SGMS2: variants seen among roughly 807,000 people sequenced by gnomAD.
The protein encoded by SGMS2 is phosphatidylcholine:ceramide cholinephosphotransferase 2.
SGMS2 carries 21 observed loss-of-function variants against 43.8 expected under a neutral mutation model. The observed-to-expected ratio is 0.48, with a 90% CI of 0.34 to 0.69. The LOEUF (loss-of-function observed/expected upper bound fraction) is 0.69. SGMS2 is among the 30% of genes least tolerant of loss of function. The probability of loss-of-function intolerance (pLI) is 0.01; values close to 1 mark genes in which losing one functional copy is unlikely to be tolerated. For synonymous variants in SGMS2, 167 were observed against 160.6 expected (o/e 1.04, Z -0.30); for missense variants, 384 against 443.2 (o/e 0.87, Z 1.20).
At chr4:107,861,480 T>C (rs968104790) in intron 2 of SGMS2, among the ~76,000 whole-genome samples, 17 of 152,164 alleles carry the variant, frequency 1.1e-4, no homozygotes, top group Non-Finnish European at 2.2e-4. Context: ...GAAAACTTGC[T>C]TGAGAGATGT....
chr4:107,860,678 T>C (rs1578547095), intron 2 of SGMS2, among the ~76,000 whole-genome samples: 2 of 152,110 alleles, frequency 1.3e-5, no homozygotes, highest in Non-Finnish European at 1.5e-5. Flanking sequence ...ACACCCACCA[T>C]TGCGCCTGGC....
intron 2 of SGMS2, among the ~76,000 whole-genome samples, chr4:107,888,773 A>G (rs1729964901): frequency 6.6e-6 from 1 of 152,098 alleles, no homozygotes; most frequent in Non-Finnish European, 1.5e-5. Flanking sequence ...CTACAAATAT[A>G]TTTTATTGGA....
At chr4:107,834,657 T>C (rs1013010227) in intron 1 of SGMS2, among the ~76,000 whole-genome samples, 2 of 152,198 alleles carry the variant, frequency 1.3e-5, no homozygotes, top group African/African-American at 4.8e-5. Flanking sequence ...ACATCATTCA[T>C]TGGGTCATCT....
chr4:107,908,671 C>A lies in SGMS2; in HGVS notation c.834C>A (p.Ile278=), dbSNP rs1395970055. 6.2e-7 allele frequency: 1 copy of A among 1,613,934 alleles called. No homozygotes were observed. The highest frequency in any genetic ancestry group is 8.5e-7 in the Non-Finnish European group (1 of 1,179,848). The change falls in exon 6 of 7, where the codon ATC becomes ATA. Residue 278 remains isoleucine, a synonymous_variant. Transcript: ENST00000690982. ...VAHEHYTIDV[I]IAYYITTRLF... ...ACGAACACTACACTATCGATGTGAT[C>A]ATTGCTTATTATATCACAACACGAC...
chr4:107,862,540 G>GT (rs985389055), intron 2 of SGMS2, among the ~76,000 whole-genome samples: 81 of 152,026 alleles, frequency 5.3e-4, no homozygotes, highest in African/African-American at 1.8e-3. Flanking sequence ...TGTCTTAAAA[G>GT]TTTTTTTTCA....
intron 1 of SGMS2, among the ~76,000 whole-genome samples, chr4:107,835,700 T>C (rs1189526538): frequency 6.6e-6 from 1 of 152,206 alleles, no homozygotes; most frequent in Non-Finnish European, 1.5e-5. Flanking sequence ...GCTATATAAG[T>C]AGCCAAGTAA....
intron 2 of SGMS2, among the ~76,000 whole-genome samples, chr4:107,861,737 T>C (rs556247284): frequency 1.3e-5 from 2 of 152,226 alleles, no homozygotes; most frequent in Non-Finnish European, 2.9e-5. Flanking sequence ...AAATCTTTGC[T>C]AAGTAAACTC....
At chr4:107,830,667 T>C (rs1420454321) in intron 1 of SGMS2, among the ~76,000 whole-genome samples, 2 of 152,206 alleles carry the variant, frequency 1.3e-5, no homozygotes, top group African/African-American at 2.4e-5. Context: ...GTTGGCTGTG[T>C]GTATGTTGTC....
chr4:107,902,092 T>G (rs968277013), intron 4 of SGMS2, among the ~76,000 whole-genome samples: 2 of 151,748 alleles, frequency 1.3e-5, no homozygotes, highest in African/African-American at 4.8e-5. Context: ...TTTCCTTTTT[T>G]TTTTTTAGTA....
At chr4:107,858,824 G>A (rs1038921849) in intron 2 of SGMS2, among the ~76,000 whole-genome samples, 1 of 152,200 alleles carries the variant, frequency 6.6e-6, no homozygotes, top group Non-Finnish European at 1.5e-5. Flanking sequence ...ATGACAGCCA[G>A]AGAAATAGAG....
intron 1 of SGMS2, among the ~76,000 whole-genome samples, chr4:107,853,423 T>A (rs2126018809): frequency 6.6e-6 from 1 of 152,298 alleles, no homozygotes; most frequent in Non-Finnish European, 1.5e-5. Context: ...CCATCTAAAT[T>A]AGTGGGTCAT....
chr4:107,874,461 C>A (rs536340076), intron 2 of SGMS2, among the ~76,000 whole-genome samples: 1 of 152,284 alleles, frequency 6.6e-6, no homozygotes, highest in East Asian at 1.9e-4. Context: ...GAGCTAGCAA[C>A]ATAGGGATTT....
At chr4:107,856,658 A>T (rs1727446734) in intron 1 of SGMS2, among the ~76,000 whole-genome samples, 1 of 152,174 alleles carries the variant, frequency 6.6e-6, no homozygotes, top group Non-Finnish European at 1.5e-5. Flanking sequence ...TCCTCCAAGG[A>T]TAAGGTGATC....
chr4:107,842,345 T>A (rs777772392), intron 1 of SGMS2, among the ~76,000 whole-genome samples: 10 of 152,116 alleles, frequency 6.6e-5, no homozygotes, highest in Non-Finnish European at 1.3e-4. Flanking sequence ...GGAGCAGGTG[T>A]CTCACATGGC....
At chr4:107,835,465 G>A (rs1021896663) in intron 1 of SGMS2, among the ~76,000 whole-genome samples, 5 of 152,126 alleles carry the variant, frequency 3.3e-5, no homozygotes, top group Non-Finnish European at 7.4e-5. Flanking sequence ...ATAAAAACTC[G>A]ATGTGGGAGG....
At chr4:107,898,466 G>A (rs1730853853) in intron 3 of SGMS2, among the ~76,000 whole-genome samples, 1 of 152,110 alleles carries the variant, frequency 6.6e-6, no homozygotes, top group South Asian at 2.1e-4. Context: ...TTTTTCAGAA[G>A]TCTTTGATCA....
chr4:107,827,303 A>G (rs565805582), intron 1 of SGMS2, among the ~76,000 whole-genome samples: 1 of 152,310 alleles, frequency 6.6e-6, no homozygotes, highest in South Asian at 2.1e-4. Context: ...CAACTACATA[A>G]CAGCCACTGT....
chr4:107,835,568 G>A (rs1726124932), intron 1 of SGMS2, among the ~76,000 whole-genome samples: 3 of 152,206 alleles, frequency 2.0e-5, no homozygotes, highest in Admixed American at 2.0e-4. Context: ...CCCTGGCTCT[G>A]TGGGTGCAGT....
chr4:107,905,596 G>T (rs1445946139), intron 5 of SGMS2, among the ~76,000 whole-genome samples: 2 of 152,180 alleles, frequency 1.3e-5, no homozygotes, highest in African/African-American at 4.8e-5. Context: ...CTTAAGCTTA[G>T]AGAAAGTGAC....
Sources: allele counts gnomAD v4.1 joint callset (sites outside exome capture counted in the v4.1 genomes callset), GRCh38; gene constraint gnomAD v4.1.1; transcripts MANE v1.5; gene names NCBI Gene and HGNC (gene_info 2026-07-23, HGNC 2026-07-21).